Variants in C1orf54 observed in about 807,000 individuals in gnomAD.
The protein encoded by C1orf54 is chromosome 1 open reading frame 54, also known as uncharacterized protein C1orf54.
Under a neutral mutation model 14.7 loss-of-function variants are expected in C1orf54, and 12 were observed. The observed-to-expected ratio is 0.82, with a 90% CI of 0.52 to 1.32. C1orf54 has a LOEUF of 1.32. Ranked by LOEUF, C1orf54 falls within the 40% of genes most tolerant of loss-of-function variation. C1orf54 has a pLI of 0.00. For synonymous variants in C1orf54, 65 were observed against 56.3 expected, an observed-to-expected ratio of 1.16 and a Z score of -0.70; for missense variants, 163 against 162.2, an observed-to-expected ratio of 1.00 and a Z score of -0.03.
chr1:150,270,016 A>G (rs1255213916), upstream of C1orf54, among the ~76,000 whole-genome samples: 1 of 152,178 alleles, frequency 6.6e-6, no homozygotes, highest in African/African-American at 2.4e-5. Context: ...CAGCCTGGGC[A>G]ACGGAGTGAG....
chr1:150,274,155 G>C lies in C1orf54; in HGVS notation c.115G>C (p.Val39Leu). Residue 39 changes from valine (V) to leucine (L), a missense_variant, in exon 2 of 6, where the codon GTC becomes CTC. Coordinates refer to ENST00000369099, the MANE Select transcript of C1orf54 (RefSeq NM_024579.4). Reference protein sequence around the residue: ...EYYQVVYYYTVTPSYDDFSAD... With the variant: ...EYYQVVYYYTLTPSYDDFSAD... ...TTATCAGGTGGTCTATTATTATACA[G>C]TCACCCCCAGTTATGGTGAGTACAT... 1.2e-6 allele frequency: 2 copies of C among 1,610,128 alleles called. No individual in the cohort carries two copies. The highest frequency in any genetic ancestry group is 1.7e-6 in the Non-Finnish European group (2 of 1,176,418).
chr1:150,272,944 T>C, intron 1 of C1orf54, 81 bp downstream of exon 1: 1 of 1,467,784 alleles, frequency 6.8e-7, no homozygotes, highest in South Asian at 1.1e-5. Flanking sequence ...GAGGAGTGGG[T>C]GAGAGGTACA....
At position 150,274,151 on chromosome 1, in the gene C1orf54, TAC is replaced by T; in HGVS notation, c.113_114del (p.Thr38SerfsTer6). On this transcript the variant is annotated frameshift_variant, in exon 2 of 6. Coordinates refer to ENST00000369099, the MANE Select transcript of C1orf54 (RefSeq NM_024579.4). LOFTEE classifies it high-confidence loss of function. Reference protein sequence around the residue: ...DEYYQVVYYYTVTPSYDDFSA... With the variant: ...DEYYQVVYYYXVTPSYDDFSA... ...AATATTATCAGGTGGTCTATTATTA[TAC>T]AGTCACCCCCAGTTATGGTGAGTAC... is the stretch of plus-strand genomic sequence containing the variant. The T allele has an allele frequency of 6.2e-7, 1 of 1,611,238 alleles. No individual in the cohort carries two copies. The highest frequency in any genetic ancestry group is 8.5e-7 in the Non-Finnish European group (1 of 1,177,424).
At chr1:150,273,555 T>C (rs782629372) in intron 1 of C1orf54, among the ~76,000 whole-genome samples, 1 of 152,218 alleles carries the variant, frequency 6.6e-6, no homozygotes, top group Non-Finnish European at 1.5e-5. Flanking sequence ...AGATGGGTCA[T>C]TTTAGTCCAG....
chr1:150,268,927 A>G (rs1276522672), upstream of C1orf54: 2 of 836,674 alleles, frequency 2.4e-6, no homozygotes, highest in African/African-American at 1.7e-5. Flanking sequence ...GCGCGGTGCA[A>G]TGTCACCCCC....
chr1:150,275,517 C>T (rs1428477824), intron 2 of C1orf54, among the ~76,000 whole-genome samples: 2 of 151,982 alleles, frequency 1.3e-5, no homozygotes, highest in African/African-American at 4.8e-5. Flanking sequence ...AAAAGAAGAA[C>T]TTGAAAATTT....
intron 4 of C1orf54, among the ~76,000 whole-genome samples, chr1:150,277,502 TA>T (rs71083896): frequency 1.2e-4 from 5 of 41,332 alleles, no homozygotes; most frequent in East Asian, 8.5e-4. Flanking sequence ...GACTCTATAC[TA>T]AAAAAAAAAA....
downstream of C1orf54, chr1:150,280,917 T>C (rs1553853320): frequency 6.5e-7 from 1 of 1,542,068 alleles, no homozygotes; most frequent in African/African-American, 1.4e-5. Context: ...AGTGAAATAA[T>C]CTGGTTACCA....
chr1:150,272,899 G>T, intron 1 of C1orf54, 36 bp downstream of exon 1: 1 of 1,611,886 alleles, frequency 6.2e-7, no homozygotes, highest in Non-Finnish European at 8.5e-7. Context: ...TTTGTGCCAG[G>T]TCTTCTACCA....
At position 150,274,112 on chromosome 1, in the gene C1orf54, A is replaced by G; in HGVS notation, c.72A>G (p.Arg24=). Residue 24 remains arginine (R), a synonymous_variant, in exon 2 of 6, where the codon AGA becomes AGG. Transcript: ENST00000369099. The part of the protein sequence containing the change: ...ILGQEYEDEE[R]LGEDEYYQVV... ...GACAAGAATATGAGGATGAAGAAAG[A>G]CTGGGAGAGGATGAATATTATCAGG... The G allele has an allele frequency of 6.2e-7, 1 of 1,612,500 alleles. No homozygotes were observed. Among genetic ancestry groups the G allele is most frequent in the Non-Finnish European group, 8.5e-7 (1 of 1,178,562 alleles).
intron 2 of C1orf54, among the ~76,000 whole-genome samples, chr1:150,275,461 C>G (rs952984129): frequency 5.3e-5 from 8 of 151,966 alleles, no homozygotes; most frequent in African/African-American, 1.9e-4. Flanking sequence ...TATGATTGAA[C>G]CAACTGTACT....
intron 4 of C1orf54, among the ~76,000 whole-genome samples, chr1:150,279,073 C>T (rs900956960): frequency 1.3e-5 from 2 of 152,202 alleles, no homozygotes; most frequent in South Asian, 2.1e-4. Context: ...GAGTTTGAGA[C>T]CAGCCTGGCC....
intron 4 of C1orf54, among the ~76,000 whole-genome samples, chr1:150,279,425 CAATTG>C (rs1166674719): frequency 3.9e-5 from 6 of 152,034 alleles, no homozygotes; most frequent in Non-Finnish European, 7.4e-5. Flanking sequence ...AAAATAGAAA[CAATTG>C]AATTGAATTG....
At chr1:150,276,286 C>A (rs368228963) in intron 3 of C1orf54, among the ~76,000 whole-genome samples, 1 of 152,078 alleles carries the variant, frequency 6.6e-6, no homozygotes, top group Non-Finnish European at 1.5e-5. Context: ...AGAAAAAAGC[C>A]AGAACTTTAT....
Position 150,276,627 on chromosome 1 carries a change from G to A in C1orf54, c.295G>A (p.Glu99Lys). ...KPVTVKPVTT[E>K]PSPDLNDAVS... ...TGTAACTGTGAAACCAGTAACAACG[G>A]AACCTGTGAGTTGATTGGGGATTGG... The change falls in exon 4 of 6, where the codon GAA becomes AAA. Residue 99 changes from glutamate (E) to lysine (K), a missense_variant. Glu to Lys is a moderately conservative substitution (Grantham distance 56). Coordinates refer to ENST00000369099, the MANE Select transcript of C1orf54 (RefSeq NM_024579.4). The A allele has an allele frequency of 6.2e-7, 1 of 1,612,800 alleles. No individual in the cohort carries two copies. Among genetic ancestry groups the A allele is most frequent in the Non-Finnish European group, 8.5e-7 (1 of 1,178,858 alleles).
chr1:150,274,466 G>A (rs2101870550), intron 2 of C1orf54, among the ~76,000 whole-genome samples: 1 of 152,036 alleles, frequency 6.6e-6, no homozygotes, highest in East Asian at 1.9e-4. Flanking sequence ...CGGGTGTGGT[G>A]GCGGGTGCCT....
intron 4 of C1orf54, among the ~76,000 whole-genome samples, chr1:150,278,647 A>C (rs1412542312): frequency 1.3e-5 from 2 of 152,218 alleles, no homozygotes; most frequent in Non-Finnish European, 2.9e-5. Context: ...AGTTTGTATT[A>C]TAGAGTCTAG....
At chr1:150,276,306 T>C (rs944621683) in intron 3 of C1orf54, among the ~76,000 whole-genome samples, 1 of 152,160 alleles carries the variant, frequency 6.6e-6, no homozygotes, top group African/African-American at 2.4e-5. Flanking sequence ...TAAATTGTCC[T>C]CAGTAAGTTT....
At chr1:150,271,353 C>T (rs1215041462), upstream of C1orf54, among the ~76,000 whole-genome samples, 2 of 152,116 alleles carry the variant, frequency 1.3e-5, no homozygotes, top group Non-Finnish European at 2.9e-5. Flanking sequence ...GTGATCTGTC[C>T]GCCTAAGCCT....
Sources: gnomAD v4.1 joint callset for allele counts (sites outside exome capture counted in the v4.1 genomes callset) on GRCh38, gnomAD v4.1.1 for gene constraint, MANE v1.5 for transcripts, NCBI Gene and HGNC (gene_info 2026-07-23, HGNC 2026-07-21) for gene names.